The following LRP1B variants were observed in gnomAD, a reference collection of about 807,000 sequenced individuals.
The protein encoded by LRP1B is low-density lipoprotein receptor-related protein 1B.
In LRP1B, 217 loss-of-function variants were observed where a neutral mutation model predicts 556.6. That is an observed-to-expected ratio of 0.39 (90% CI 0.35 to 0.44). LRP1B has a LOEUF of 0.44. Ranked by LOEUF, LRP1B falls within the 20% of genes least tolerant of loss-of-function variation. The probability of loss-of-function intolerance (pLI) is 1.00; values close to 1 mark genes in which losing one functional copy is unlikely to be tolerated. For synonymous variants in LRP1B, 2,047 were observed against 1,865.8 expected (o/e 1.10, Z -2.50); for missense variants, 5,053 against 5,620.8 (o/e 0.90, Z 3.23).
In LRP1B at chr2:140,776,104, G is replaced by C. The variant is rs2104950437; in HGVS notation, c.5494C>G (p.Gln1832Glu). 6.4e-7 allele frequency: 1 copy of C among 1,562,288 alleles called. No homozygotes were observed. The highest frequency in any genetic ancestry group is 1.7e-4 in the Middle Eastern group (1 of 5,886). The change falls in exon 33 of 91, where the codon CAG becomes GAG. Residue 1832 changes from glutamine (Q) to glutamate (E), a missense_variant. Gln to Glu is a conservative substitution (Grantham distance 29). This residue lies in a region of LRP1B where 3,619 missense variants were observed against 3,931.9 expected (regional missense o/e 0.92). Transcript: ENST00000389484. ...ATTCATTAGTGTGATTTACCTTGCT[G>C]TGCTTCTTTATCATAGACTTTCATA... Reference protein sequence around the residue: ...VHMKVYDKEAQQGSNSCQLNN... With the variant: ...VHMKVYDKEAEQGSNSCQLNN...
chr2:140,938,016 GGTTCAAAAGTCGCTGTCT>G (rs1342955392), intron 20 of LRP1B, among the ~76,000 whole-genome samples: 2 of 151,348 alleles, frequency 1.3e-5, no homozygotes, highest in Admixed American at 6.6e-5. Flanking sequence ...ATGTCCTTAT[GGTTCAAAAGTCGCTGTCT>G]CAATCAACAT....
intron 3 of LRP1B, among the ~76,000 whole-genome samples, chr2:141,391,930 C>A (rs1690062434): frequency 6.6e-6 from 1 of 152,108 alleles, no homozygotes; most frequent in African/African-American, 2.4e-5. Flanking sequence ...CTATGATGTA[C>A]CCACTACTAT....
At chr2:141,864,276 A>G (rs1294494117) in intron 1 of LRP1B, among the ~76,000 whole-genome samples, 1 of 152,224 alleles carries the variant, frequency 6.6e-6, no homozygotes, top group Non-Finnish European at 1.5e-5. Context: ...AAGCTAATAA[A>G]TACAAAAGTT....
intron 22 of LRP1B, among the ~76,000 whole-genome samples, chr2:140,906,406 A>G (rs1694255915): frequency 6.6e-6 from 1 of 151,918 alleles, no homozygotes; most frequent in Admixed American, 6.6e-5. Context: ...TTTTCTTATC[A>G]TTTTCTTCAT....
chr2:140,325,999 A>C, intron 79 of LRP1B, 121 bp from the exon 80 acceptor site: 1 of 636,542 alleles, frequency 1.6e-6, no homozygotes, highest in Admixed American at 2.6e-5. Flanking sequence ...CATAGAAATT[A>C]CCTGGTGCCC....
intron 3 of LRP1B, among the ~76,000 whole-genome samples, chr2:141,449,472 A>G (rs1324873413): frequency 1.3e-5 from 2 of 152,232 alleles, no homozygotes; most frequent in Non-Finnish European, 1.5e-5. Flanking sequence ...GATTTTTTAC[A>G]TTTTTTATAT....
chr2:141,947,864 T>C (rs1490306655), intron 1 of LRP1B, among the ~76,000 whole-genome samples: 2 of 151,110 alleles, frequency 1.3e-5, no homozygotes, highest in Non-Finnish European at 2.9e-5. Context: ...ACAAAGACAG[T>C]TGAAACTCAC....
At chr2:141,904,474 G>A (rs1043933789) in intron 1 of LRP1B, among the ~76,000 whole-genome samples, 17 of 151,824 alleles carry the variant, frequency 1.1e-4, no homozygotes, top group Non-Finnish European at 2.4e-4. Flanking sequence ...GAGGGCATAC[G>A]ATTTGGAGCT....
intron 3 of LRP1B, among the ~76,000 whole-genome samples, chr2:141,284,427 G>A (rs544332773): frequency 1.6e-4 from 24 of 152,256 alleles, no homozygotes; most frequent in African/African-American, 5.8e-4. Context: ...GGATGTACAG[G>A]GATTAGTTAG....
At chr2:141,348,444 T>C (rs541343276) in intron 3 of LRP1B, among the ~76,000 whole-genome samples, 2 of 152,058 alleles carry the variant, frequency 1.3e-5, no homozygotes, top group East Asian at 1.9e-4. Flanking sequence ...AATGGTCAAA[T>C]ATTAATAGGT....
At chr2:141,232,623 C>T (rs538726465) in intron 5 of LRP1B, among the ~76,000 whole-genome samples, 28 of 152,244 alleles carry the variant, frequency 1.8e-4, no homozygotes, top group African/African-American at 6.7e-4. Context: ...TTTGTAGCTG[C>T]TTGATGAGTG....
chr2:141,792,627 G>A (rs1365072400), intron 2 of LRP1B, among the ~76,000 whole-genome samples: 1 of 151,938 alleles, frequency 6.6e-6, no homozygotes, highest in Non-Finnish European at 1.5e-5. Flanking sequence ...TAAAGACTAT[G>A]CCCTAAAAGA....
intron 86 of LRP1B, among the ~76,000 whole-genome samples, chr2:140,252,813 T>C (rs1286024288): frequency 6.6e-6 from 1 of 152,120 alleles, no homozygotes; most frequent in Non-Finnish European, 1.5e-5. Flanking sequence ...ACATTTGTGG[T>C]GTTCCAAAAT....
In LRP1B at chr2:141,532,143, A is replaced by C. The variant is rs529912419; in HGVS notation, c.206-51610T>G. Reference sequence around the variant, plus strand: ...GAGCTCAACTAATTGTATTGTTGGCATCTGAACATCCATTAAACAGATAAT... The same window carrying C: ...GAGCTCAACTAATTGTATTGTTGGCCTCTGAACATCCATTAAACAGATAAT... On this transcript the variant is annotated intron_variant, in intron 2 of 90. Transcript: ENST00000389484. Among the ~76,000 whole-genome samples the C allele has an allele frequency of 3.3e-5, 5 of 152,330 alleles. No individual in the cohort carries two copies. The East Asian group carries it at 5.8e-4, about 18-fold the overall frequency.
intron 32 of LRP1B, among the ~76,000 whole-genome samples, chr2:140,795,509 AG>A (rs368126951): frequency 1.6e-4 from 24 of 152,266 alleles, no homozygotes; most frequent in African/African-American, 5.1e-4. Flanking sequence ...AAATTGATAC[AG>A]ATGTCTATTT....
intron 14 of LRP1B, 66 bp downstream of exon 14, chr2:141,013,490 T>C: frequency 3.9e-6 from 5 of 1,283,474 alleles, no homozygotes; most frequent in Non-Finnish European, 5.3e-6. Flanking sequence ...AGATAAATCT[T>C]TTATAACTTC....
rs74381027 is a variant in LRP1B at position 140,466,124 on chromosome 2, C to CTTT, written c.9626-8476_9626-8474dup. On this transcript the variant is annotated intron_variant, in intron 60 of 90. Coordinates refer to ENST00000389484, the MANE Select transcript of LRP1B (RefSeq NM_018557.3). Reference sequence around the variant, plus strand: ...ATTTCAATTTCCTCTTTTCTTTTTTCTTTTTTTTTTTTTTTTGGTGGGCTA... The same window carrying CTTT: ...ATTTCAATTTCCTCTTTTCTTTTTTCTTTTTTTTTTTTTTTTTTTGGTGGGCTA... 1.9e-3 allele frequency among the ~76,000 whole-genome samples: 245 copies of CTTT among 125,688 alleles called. 1 individual carries two copies. The highest frequency in any genetic ancestry group is 6.9e-3 in the African/African-American group (234 of 34,160). 82.5% of individuals were successfully genotyped at this position (125,688 alleles called of 152,430 possible). A position where few individuals can be genotyped will look rare whatever the true frequency, so the allele number is the denominator to read the frequency against.
At chr2:140,733,456 A>G (rs1025306185) in intron 35 of LRP1B, among the ~76,000 whole-genome samples, 2 of 152,174 alleles carry the variant, frequency 1.3e-5, no homozygotes, top group African/African-American at 4.8e-5. Context: ...GCCAAAAACT[A>G]GAACAAAAAC....
At chr2:140,801,654 T>C (rs1474030299) in intron 32 of LRP1B, among the ~76,000 whole-genome samples, 2 of 152,138 alleles carry the variant, frequency 1.3e-5, no homozygotes, top group Non-Finnish European at 2.9e-5. Context: ...ACAAATCTTA[T>C]TGATTCTAAG....
Sources: gnomAD v4.1 joint callset for allele counts (sites outside exome capture counted in the v4.1 genomes callset) on GRCh38, gnomAD v4.1.1 for gene constraint, gnomAD v4.1.1 regional missense constraint, MANE v1.5 for transcripts, NCBI Gene and HGNC (gene_info 2026-07-23, HGNC 2026-07-21) for gene names.